ZNF232: variants seen among roughly 807,000 people sequenced by gnomAD.
The protein encoded by ZNF232 is zinc finger and SCAN domain-containing protein 11.
In ZNF232, 25 loss-of-function variants were observed where a neutral mutation model predicts 25.2. The ratio of observed to expected loss-of-function variants is 0.99; its 90% CI spans 0.72 to 1.39. The LOEUF (loss-of-function observed/expected upper bound fraction) is 1.39. ZNF232 is among the 40% of genes most tolerant of loss of function. The pLI is 0.00. For missense variants in ZNF232, 519 were observed against 520.9 expected, an observed-to-expected ratio of 1.00 and a Z score of 0.04; for synonymous variants, 193 against 182.9, an observed-to-expected ratio of 1.06 and a Z score of -0.45.
exon 2 of ZNF232, chr17:5,109,862 G>C: frequency 6.2e-7 from 1 of 1,601,726 alleles, no homozygotes; most frequent in East Asian, 2.2e-5. Context: ...AATCTTGCAA[G>C]GGCCCCCTGT....
chr17:5,109,115 C>G, intron 2 of ZNF232, 63 bp from the exon 3 acceptor site: 1 of 1,608,066 alleles, frequency 6.2e-7, no homozygotes, highest in Non-Finnish European at 8.5e-7. Context: ...GGTTTCTGTC[C>G]CCTGCCTGGA....
intron 1 of ZNF232, among the ~76,000 whole-genome samples, chr17:5,118,751 G>C (rs1010410584): frequency 1.3e-5 from 2 of 152,194 alleles, no homozygotes; most frequent in African/African-American, 4.8e-5. Context: ...GCTCTCAGCG[G>C]AGAGGGGAGC....
chr17:5,109,999 C>T, intron 1 of ZNF232, 131 bp from the exon 2 acceptor site: 1 of 823,700 alleles, frequency 1.2e-6, no homozygotes, highest in South Asian at 1.9e-5. Flanking sequence ...TAGCGATTCT[C>T]CTACCTCAGC....
chr17:5,107,313 G>A (rs886883326), intron 3 of ZNF232, among the ~76,000 whole-genome samples: 8 of 146,748 alleles, frequency 5.5e-5, no homozygotes, highest in South Asian at 2.2e-4. Flanking sequence ...GCGTGAACCC[G>A]GGAAGTGGAG....
chr17:5,109,825 G>C (rs374373009), exon 2 of ZNF232: 3 of 1,613,888 alleles, frequency 1.9e-6, no homozygotes, highest in Non-Finnish European at 2.5e-6. Flanking sequence ...GTCTGCACTA[G>C]CTCTGCAGAA....
chr17:5,106,073 A>G (rs1351213862), exon 4 of ZNF232: 5 of 1,614,124 alleles, frequency 3.1e-6, no homozygotes, highest in South Asian at 2.2e-5. Flanking sequence ...TCCCACATTC[A>G]TTACATTCGA....
exon 4 of ZNF232, chr17:5,105,866 A>C (rs751321410): frequency 6.2e-7 from 1 of 1,611,864 alleles, no homozygotes; most frequent in Non-Finnish European, 8.5e-7. Flanking sequence ...TCCGATGTCT[A>C]ATGAGCTCTG....
intron 1 of ZNF232, among the ~76,000 whole-genome samples, chr17:5,122,489 T>C (rs1382466669): frequency 2.0e-5 from 3 of 152,208 alleles, no homozygotes; most frequent in Non-Finnish European, 4.4e-5. Flanking sequence ...CATCAAGGTT[T>C]TTCCAAAGGA....
chr17:5,122,253 C>G (rs747412754), intron 1 of ZNF232, among the ~76,000 whole-genome samples: 1 of 151,990 alleles, frequency 6.6e-6, no homozygotes, highest in Non-Finnish European at 1.5e-5. Context: ...AGTCAGGACT[C>G]AGTAAGTGTG....
chr17:5,115,932 A>G (rs1431369572), upstream of ZNF232, among the ~76,000 whole-genome samples: 1 of 152,160 alleles, frequency 6.6e-6, no homozygotes, highest in African/African-American at 2.4e-5. Flanking sequence ...AGGCTGGGAT[A>G]GCGCCGGGGG....
Position 5,111,804 on chromosome 17 carries a change from CAG to C in ZNF232, c.17_18del (p.Pro6ArgfsTer12), listed in dbSNP as rs756470053. 1.5e-5 allele frequency: 24 copies of C among 1,613,890 alleles called. No homozygotes were observed. In the South Asian group the frequency reaches 2.6e-4, roughly 18 times the overall value. On this transcript the variant is annotated frameshift_variant, in exon 1 of 4. Coordinates refer to ENST00000575898, the Ensembl canonical transcript of ZNF232. LOFTEE classifies it high-confidence loss of function. ...GAAGCCGCCGCCAACACTCACCTCA[CAG>C]GACCAGGAGGTTCCATCGGGGCGCT...
At chr17:5,121,144 C>G (rs954424939) in intron 1 of ZNF232, among the ~76,000 whole-genome samples, 3 of 152,150 alleles carry the variant, frequency 2.0e-5, no homozygotes, top group Non-Finnish European at 4.4e-5. Context: ...AGAATAACAC[C>G]CAGTGCCTGT....
chr17:5,114,254 A>G (rs571333949), upstream of ZNF232: 10 of 152,328 alleles, frequency 6.6e-5, no homozygotes, highest in Admixed American at 5.9e-4. Context: ...TTTATCTCCA[A>G]TATGAATTTC....
chr17:5,112,988 TCTCA>T (rs1426731862), upstream of ZNF232, among the ~76,000 whole-genome samples: 2 of 152,206 alleles, frequency 1.3e-5, no homozygotes, highest in Admixed American at 6.5e-5. Context: ...AATAAATTTA[TCTCA>T]CTATCAATTT....
At chr17:5,118,031 T>C (rs1162201770) in intron 1 of ZNF232, among the ~76,000 whole-genome samples, 2 of 148,914 alleles carry the variant, frequency 1.3e-5, no homozygotes, top group Non-Finnish European at 3.0e-5. Flanking sequence ...ATCATGCCAC[T>C]GCACTCTAGC....
At chr17:5,106,041 T>G in exon 4 of ZNF232, 1 of 1,614,168 alleles carries the variant, frequency 6.2e-7, no homozygotes, top group Non-Finnish European at 8.5e-7. Context: ...CTGAACAAGA[T>G]GAGCACCCCA....
chr17:5,109,668 T>C, exon 2 of ZNF232: 1 of 1,614,216 alleles, frequency 6.2e-7, no homozygotes, highest in Non-Finnish European at 8.5e-7. Flanking sequence ...GAAGATCTCT[T>C]GACTGGTAGA....
chr17:5,116,380 C>T (rs898109456), upstream of ZNF232: 2 of 152,468 alleles, frequency 1.3e-5, no homozygotes, highest in African/African-American at 4.8e-5. Flanking sequence ...GAACCGAGTC[C>T]TCATGTTTTC....
At chr17:5,115,779 T>C (rs1457400916), upstream of ZNF232, among the ~76,000 whole-genome samples, 1 of 152,192 alleles carries the variant, frequency 6.6e-6, no homozygotes, top group Non-Finnish European at 1.5e-5. Flanking sequence ...TTCACTCTCC[T>C]GCACTCGTGC....
Sources: allele counts gnomAD v4.1 joint callset (sites outside exome capture counted in the v4.1 genomes callset), GRCh38; gene constraint gnomAD v4.1.1; transcripts MANE v1.5; gene names NCBI Gene and HGNC (gene_info 2026-07-23, HGNC 2026-07-21).